The following PRKG1 variants were observed in gnomAD, a reference collection of about 807,000 sequenced individuals.
PRKG1 encodes the protein protein kinase cGMP-dependent 1.
A neutral mutation model predicts 88.1 loss-of-function variants in PRKG1; 35 were observed. That is an observed-to-expected ratio of 0.40 (90% confidence interval 0.30 to 0.53). PRKG1 has a LOEUF of 0.53. Among genes scored for constraint, PRKG1 ranks in the 20% least tolerant of loss-of-function variants. The probability of loss-of-function intolerance (pLI) is 0.59; values close to 1 mark genes in which losing one functional copy is unlikely to be tolerated. For synonymous variants in PRKG1, 303 were observed against 292.5 expected, an observed-to-expected ratio of 1.04 and a Z score of -0.37; for missense variants, 540 against 839.8, an observed-to-expected ratio of 0.64 and a Z score of 4.41.
chr10:52,270,454 A>ACTT (rs1841691017), intron 10 of PRKG1, among the ~76,000 whole-genome samples: 2 of 152,092 alleles, frequency 1.3e-5, no homozygotes, highest in African/African-American at 2.4e-5. Context: ...ACAATAGCAA[A>ACTT]GACTTGGAAC....
At chr10:51,131,937 G>A (rs2339632) in intron 1 of PRKG1, among the ~76,000 whole-genome samples, 151,923 of 152,300 alleles carry the variant, frequency 1, 75,775 homozygotes, top group Middle Eastern at 1. Flanking sequence ...TGAAGTAAAT[G>A]TTATCTGTAA....
At chr10:51,908,799 G>A (rs932075884) in intron 5 of PRKG1, 2 of 151,108 alleles carry the variant, frequency 1.3e-5, no homozygotes, top group East Asian at 2.0e-4. Flanking sequence ...GCGTGATCTC[G>A]GCTTACTGCA....
intron 7 of PRKG1, among the ~76,000 whole-genome samples, chr10:52,131,499 G>A (rs1837256642): frequency 6.6e-6 from 1 of 151,912 alleles, no homozygotes; most frequent in Non-Finnish European, 1.5e-5. Context: ...AACTTCCTAG[G>A]CCTATGGAAA....
At chr10:51,932,471 A>T (rs1842714659) in intron 5 of PRKG1, among the ~76,000 whole-genome samples, 1 of 152,142 alleles carries the variant, frequency 6.6e-6, no homozygotes, top group Non-Finnish European at 1.5e-5. Context: ...ACCATTTTAC[A>T]GACAAACTTG....
At chr10:51,149,375 T>G (rs1477613464) in intron 1 of PRKG1, among the ~76,000 whole-genome samples, 2 of 152,164 alleles carry the variant, frequency 1.3e-5, no homozygotes, top group Non-Finnish European at 1.5e-5. Context: ...GCTGGCTCCC[T>G]TATTTGAGAA....
intron 1 of PRKG1, among the ~76,000 whole-genome samples, chr10:51,130,999 G>A (rs1007548825): frequency 6.6e-6 from 1 of 152,176 alleles, no homozygotes; most frequent in Non-Finnish European, 1.5e-5. Context: ...ATAAAGCTGT[G>A]CAGGATGAAA....
intron 7 of PRKG1, among the ~76,000 whole-genome samples, chr10:52,094,404 C>T (rs1245306648): frequency 6.6e-6 from 1 of 152,096 alleles, no homozygotes; most frequent in East Asian, 1.9e-4. Context: ...AATTTGTACT[C>T]ATATCACTTG....
At chr10:51,466,180 GA>G (rs964400812) in intron 2 of PRKG1, among the ~76,000 whole-genome samples, 1 of 151,906 alleles carries the variant, frequency 6.6e-6, no homozygotes, top group Admixed American at 6.6e-5. Context: ...GTTTGCCACT[GA>G]AAAAAAGGAA....
At chr10:51,689,589 A>G (rs1841085127) in intron 3 of PRKG1, among the ~76,000 whole-genome samples, 1 of 152,208 alleles carries the variant, frequency 6.6e-6, no homozygotes, top group African/African-American at 2.4e-5. Context: ...CTCAGGTAAG[A>G]TAACTACTCT....
chr10:51,673,145 G>T (rs1840625858), intron 3 of PRKG1, among the ~76,000 whole-genome samples: 1 of 152,170 alleles, frequency 6.6e-6, no homozygotes, highest in Admixed American at 6.5e-5. Context: ...CTGACAACTT[G>T]CTAGGTGCCT....
At chr10:51,483,970 T>C (rs1840447854) in intron 3 of PRKG1, among the ~76,000 whole-genome samples, 1 of 152,192 alleles carries the variant, frequency 6.6e-6, no homozygotes, top group African/African-American at 2.4e-5. Flanking sequence ...CTTTTTTTTC[T>C]GACACGTGAA....
At chr10:51,700,515 C>T (rs1030436226) in intron 3 of PRKG1, among the ~76,000 whole-genome samples, 9 of 152,110 alleles carry the variant, frequency 5.9e-5, no homozygotes, top group Admixed American at 1.3e-4. Flanking sequence ...AAACAAATAG[C>T]GGGTGTTTGT....
Position 51,440,839 on chromosome 10 carries a change from G to C in PRKG1, c.479-26884G>C, listed in dbSNP as rs1839083829. On this transcript the variant is annotated intron_variant, in intron 2 of 17. Transcript: ENST00000373980. ...GGGTGCTTAAAGAAGTTACGAGAGAGCAACTAAAACAGCCAAGAAGGCAAA... is the reference window on the plus strand; with the variant it reads ...GGGTGCTTAAAGAAGTTACGAGAGACCAACTAAAACAGCCAAGAAGGCAAA... 3.3e-5 allele frequency among the ~76,000 whole-genome samples: 5 copies of C among 151,802 alleles called. No individual in the cohort carries two copies. In the South Asian group the frequency reaches 1.0e-3, roughly 32 times the overall value.
chr10:51,304,219 TA>T (rs1236800293), intron 2 of PRKG1, among the ~76,000 whole-genome samples: 1 of 152,124 alleles, frequency 6.6e-6, no homozygotes, highest in Non-Finnish European at 1.5e-5. Context: ...CTAATAAAAA[TA>T]AATCAGTGTA....
At chr10:51,900,916 T>C (rs945502066) in intron 4 of PRKG1, among the ~76,000 whole-genome samples, 2 of 152,152 alleles carry the variant, frequency 1.3e-5, no homozygotes, top group African/African-American at 4.8e-5. Flanking sequence ...CAAAAACATG[T>C]ATACAAAATT....
At chr10:52,245,986 G>A (rs996141799) in intron 9 of PRKG1, among the ~76,000 whole-genome samples, 4 of 152,012 alleles carry the variant, frequency 2.6e-5, no homozygotes, top group African/African-American at 9.7e-5. Context: ...TGTCTGCTTT[G>A]TAAAATAATG....
At position 51,701,359 on chromosome 10, in the gene PRKG1, A is replaced by C. The variant is rs532179998; in HGVS notation, c.593-103226A>C. Among the ~76,000 whole-genome samples, 143 of 152,328 alleles carry C rather than the reference A, an allele frequency of 9.4e-4. 1 individual carries two copies. The highest frequency in any genetic ancestry group is 3.4e-3 in the African/African-American group (140 of 41,578). ...TCCAATGAATAGATTTGACATGAGT[A>C]TGATGGTTTAGCTGCAAATAAGACA... On this transcript the variant is annotated intron_variant, in intron 3 of 17. Transcript: ENST00000373980.
intron 4 of PRKG1, 71 bp downstream of exon 4, chr10:51,804,761 C>T: frequency 9.1e-7 from 1 of 1,100,528 alleles, no homozygotes; most frequent in Non-Finnish European, 1.4e-6. Context: ...AATGCAGCAC[C>T]CTGAATTTCA....
At chr10:51,079,158 AT>A (rs1844043049) in intron 1 of PRKG1, among the ~76,000 whole-genome samples, 1 of 152,210 alleles carries the variant, frequency 6.6e-6, no homozygotes, top group South Asian at 2.1e-4. Context: ...CTTCTATGGG[AT>A]TGCCTGTGAC....
Sources: gnomAD v4.1 joint callset for allele counts (sites outside exome capture counted in the v4.1 genomes callset) on GRCh38, gnomAD v4.1.1 for gene constraint, MANE v1.5 for transcripts, NCBI Gene and HGNC (gene_info 2026-07-23, HGNC 2026-07-21) for gene names.